The following RNLS variants were observed in gnomAD, a reference collection of about 807,000 sequenced individuals.
The protein encoded by RNLS is renalase, FAD dependent amine oxidase.
Under a neutral mutation model 39.8 loss-of-function variants are expected in RNLS, and 39 were observed. That is an observed-to-expected ratio of 0.98 (90% CI 0.76 to 1.28). RNLS has a LOEUF of 1.28. RNLS is among the 50% of genes most tolerant of loss of function. RNLS has a pLI of 0.00. For missense variants in RNLS, 410 were observed against 413.3 expected, an observed-to-expected ratio of 0.99 and a Z score of 0.07; for synonymous variants, 147 against 150.7, an observed-to-expected ratio of 0.98 and a Z score of 0.18.
the RNLS span, among the ~76,000 whole-genome samples, chr10:88,218,900 C>T: frequency 1.3e-5 from 2 of 152,152 alleles, no homozygotes; most frequent in Non-Finnish European, 2.9e-5. Flanking sequence ...AAACTTTTCC[C>T]ACAGCCTGGA....
chr10:88,309,603 G>A, intron 6 of RNLS: 1 of 483,350 alleles, frequency 2.1e-6, no homozygotes, highest in Non-Finnish European at 3.8e-6. Flanking sequence ...GAGCCAAATG[G>A]AAACTTTGTA....
chr10:88,288,090 T>C (rs956256706), intron 6 of RNLS, among the ~76,000 whole-genome samples: 3 of 152,198 alleles, frequency 2.0e-5, no homozygotes, highest in Non-Finnish European at 4.4e-5. Flanking sequence ...TTCACCATGA[T>C]GGCCCCAGCT....
chr10:88,222,140 G>A, the RNLS span, among the ~76,000 whole-genome samples: 3 of 152,178 alleles, frequency 2.0e-5, 1 homozygote, highest in Non-Finnish European at 4.4e-5. Context: ...ACTGAAAACT[G>A]TGGCAGGAAT....
At chr10:88,551,622 T>G (rs1848607445) in intron 4 of RNLS, among the ~76,000 whole-genome samples, 1 of 152,088 alleles carries the variant, frequency 6.6e-6, no homozygotes, top group African/African-American at 2.4e-5. Context: ...TACACATGAA[T>G]TTTTCAAAAA....
At chr10:88,501,013 A>G (rs1166448995) in intron 4 of RNLS, among the ~76,000 whole-genome samples, 1 of 129,654 alleles carries the variant, frequency 7.7e-6, no homozygotes, top group Non-Finnish European at 1.7e-5. Flanking sequence ...GTGTGTATAT[A>G]TATCTCTGTG....
the RNLS span, among the ~76,000 whole-genome samples, chr10:88,194,627 C>T: frequency 6.2e-4 from 95 of 152,228 alleles, 1 homozygote; most frequent in African/African-American, 2.3e-3. Flanking sequence ...GTAATTAGAC[C>T]AGTGATGTTC....
chr10:88,231,135 T>A, the RNLS span, among the ~76,000 whole-genome samples: 1 of 152,244 alleles, frequency 6.6e-6, no homozygotes, highest in Non-Finnish European at 1.5e-5. Flanking sequence ...CAAATTCATA[T>A]GTTAAAGTCC....
At chr10:88,218,521 T>C in the RNLS span, among the ~76,000 whole-genome samples, 2 of 152,186 alleles carry the variant, frequency 1.3e-5, no homozygotes, top group Admixed American at 6.5e-5. Flanking sequence ...AACACTGGTG[T>C]CCAATTTGTC....
the RNLS span, among the ~76,000 whole-genome samples, chr10:88,187,177 TAA>T: frequency 6.5e-4 from 44 of 67,776 alleles, no homozygotes; most frequent in East Asian, 0.011. Context: ...AATATATATA[TAA>T]TATATATAAT....
chr10:88,389,299 T>G (rs1852055023), intron 4 of RNLS, among the ~76,000 whole-genome samples: 1 of 152,208 alleles, frequency 6.6e-6, no homozygotes, highest in Admixed American at 6.5e-5. Context: ...GTATGTCTCC[T>G]AACAGAACTG....
chr10:88,193,279 G>A, the RNLS span, among the ~76,000 whole-genome samples: 2,646 of 152,166 alleles, frequency 0.017, 86 homozygotes, highest in African/African-American at 0.06. Flanking sequence ...TGACTCGCCC[G>A]AGAACTGTTT....
chr10:88,318,398 G>A (rs1845926382), intron 5 of RNLS, among the ~76,000 whole-genome samples: 2 of 152,232 alleles, frequency 1.3e-5, no homozygotes, highest in African/African-American at 4.8e-5. Flanking sequence ...TGTGGAGAGG[G>A]AGTCATCCAC....
intron 4 of RNLS, among the ~76,000 whole-genome samples, chr10:88,460,612 T>A (rs1842892788): frequency 6.6e-6 from 1 of 152,162 alleles, no homozygotes; most frequent in Admixed American, 6.6e-5. Flanking sequence ...CATTCCTATA[T>A]TGCTCATGTT....
intron 4 of RNLS, among the ~76,000 whole-genome samples, chr10:88,454,996 A>G (rs556179557): frequency 2.0e-5 from 3 of 152,238 alleles, no homozygotes; most frequent in Non-Finnish European, 2.9e-5. Flanking sequence ...CTAGGAACTG[A>G]GAAACAAGAT....
At chr10:88,184,288 A>G in the RNLS span, among the ~76,000 whole-genome samples, 1 of 152,130 alleles carries the variant, frequency 6.6e-6, no homozygotes, top group African/African-American at 2.4e-5. Flanking sequence ...TCAACTACCC[A>G]GGCCTTGATC....
At chr10:88,481,407 TG>T (rs1244217123) in intron 4 of RNLS, among the ~76,000 whole-genome samples, 1 of 152,182 alleles carries the variant, frequency 6.6e-6, no homozygotes, top group Non-Finnish European at 1.5e-5. Context: ...CTGCCTTTTT[TG>T]TGTTAAGTGT....
chr10:88,542,665 C>G (rs935186228), intron 4 of RNLS, among the ~76,000 whole-genome samples: 3 of 152,162 alleles, frequency 2.0e-5, no homozygotes, highest in African/African-American at 7.2e-5. Context: ...ACTGCATGAT[C>G]TTCTGCAAAC....
chr10:88,257,839 A>G, the RNLS span, among the ~76,000 whole-genome samples: 1 of 152,196 alleles, frequency 6.6e-6, no homozygotes, highest in African/African-American at 2.4e-5. Context: ...ACACCAATCC[A>G]TGACTATAAA....
At chr10:88,547,593 CTAGACA>C (rs2134315809) in intron 4 of RNLS, among the ~76,000 whole-genome samples, 1 of 152,204 alleles carries the variant, frequency 6.6e-6, no homozygotes, top group South Asian at 2.1e-4. Context: ...ACCTTTTTCT[CTAGACA>C]TAAAGAGAAT....
Sources: allele counts gnomAD v4.1 joint callset (sites outside exome capture counted in the v4.1 genomes callset), GRCh38; gene constraint gnomAD v4.1.1; transcripts MANE v1.5; gene names NCBI Gene and HGNC (gene_info 2026-07-23, HGNC 2026-07-21).